The following SH2D4A variants were observed in gnomAD, a reference collection of about 807,000 sequenced individuals.
SH2D4A encodes the protein SH2 domain containing 4A.
A neutral mutation model predicts 64.7 loss-of-function variants in SH2D4A; 70 were observed. The ratio of observed to expected loss-of-function variants is 1.08; its 90% CI spans 0.89 to 1.32. The LOEUF is 1.32. Ranked by LOEUF, SH2D4A falls within the 40% of genes most tolerant of loss-of-function variation. The pLI, the probability that SH2D4A is intolerant of heterozygous loss-of-function variation, is 0.00. For missense variants in SH2D4A, 706 were observed against 540.1 expected, an observed-to-expected ratio of 1.31 and a Z score of -3.04; for synonymous variants, 268 against 200.7, an observed-to-expected ratio of 1.34 and a Z score of -2.83.
chr8:19,349,890 G>A lies in SH2D4A; in HGVS notation c.514-7313G>A, dbSNP rs2052670635. 2.6e-5 allele frequency among the ~76,000 whole-genome samples: 4 copies of A among 152,182 alleles called. No individual in the cohort carries two copies. In the South Asian group the frequency reaches 6.2e-4, roughly 24 times the overall value. On this transcript the variant is annotated intron_variant, in intron 4 of 9. Transcript: ENST00000265807. ...AGCTAACTTTTGTATTTTTAGTAGA[G>A]ACGGGGCTTCACCATGTTGGCCAGG...
At chr8:19,316,515 T>C (rs1008667421) in intron 1 of SH2D4A, among the ~76,000 whole-genome samples, 4 of 152,146 alleles carry the variant, frequency 2.6e-5, no homozygotes, top group African/African-American at 9.7e-5. Flanking sequence ...TGTCCACACC[T>C]GGGTCAGTGT....
At chr8:19,322,278 C>A (rs1345553302) in intron 2 of SH2D4A, among the ~76,000 whole-genome samples, 3 of 151,438 alleles carry the variant, frequency 2.0e-5, no homozygotes, top group African/African-American at 4.9e-5. Context: ...AAGCCCATGA[C>A]CCTTGTGGGT....
Position 19,393,504 on chromosome 8 carries a change from A to G in SH2D4A, c.1235A>G (p.Gln412Arg). 6.2e-7 allele frequency: 1 copy of G among 1,614,228 alleles called. No individual in the cohort carries two copies. The change falls in exon 9 of 10, where the codon CAG becomes CGG. Residue 412 changes from glutamine to arginine, a missense_variant. Transcript: ENST00000265807. ...AYSFLGVDQL[Q>R]HATLADLVEY... ...AGCTTCCTGGGCGTGGACCAGCTAC[A>G]GCATGCCACCTTGGCGGATTTGGTG... is the stretch of plus-strand genomic sequence containing the variant.
chr8:19,364,790 T>C lies in SH2D4A; in HGVS notation c.917+508T>C, dbSNP rs552864120. On this transcript the variant is annotated intron_variant, in intron 7 of 9. Transcript: ENST00000265807. ...ATGGTAATTCTCATTCACGGATACA[T>C]AGCCAAGTTCCTCTTTTAAGAATTT... Among the ~76,000 whole-genome samples, 9 of 152,338 alleles carry C rather than the reference T, an allele frequency of 5.9e-5. No individual in the cohort carries two copies. The South Asian group carries it at 1.7e-3, about 28-fold the overall frequency.
chr8:19,349,617 G>A (rs891110759), intron 4 of SH2D4A, among the ~76,000 whole-genome samples: 1 of 152,164 alleles, frequency 6.6e-6, no homozygotes, highest in Admixed American at 6.5e-5. Context: ...CCTCTCTGAG[G>A]CTAAGTTTCC....
chr8:19,361,837 T>C (rs2052894475), intron 6 of SH2D4A, among the ~76,000 whole-genome samples: 1 of 152,188 alleles, frequency 6.6e-6, no homozygotes, highest in Admixed American at 6.5e-5. Flanking sequence ...TGATAGTGAA[T>C]ACATTTTAAC....
intron 2 of SH2D4A, among the ~76,000 whole-genome samples, chr8:19,322,838 C>G (rs868688596): frequency 1.8e-4 from 28 of 151,912 alleles, no homozygotes; most frequent in African/African-American, 6.8e-4. Flanking sequence ...CCATGCCCAG[C>G]TAATTTTTGT....
intron 5 of SH2D4A, among the ~76,000 whole-genome samples, chr8:19,360,616 A>G (rs988747826): frequency 6.6e-6 from 1 of 152,188 alleles, no homozygotes; most frequent in Non-Finnish European, 1.5e-5. Context: ...TCCATCTTAA[A>G]AAAATAATAA....
chr8:19,373,823 G>T (rs1009220867), intron 8 of SH2D4A, among the ~76,000 whole-genome samples, 163 bp downstream of exon 8: 10 of 152,162 alleles, frequency 6.6e-5, no homozygotes, highest in African/African-American at 2.4e-4. Flanking sequence ...TCAGTAAGCT[G>T]CATTCTCATG....
At chr8:19,382,019 G>A (rs1182514613) in intron 8 of SH2D4A, among the ~76,000 whole-genome samples, 1 of 151,754 alleles carries the variant, frequency 6.6e-6, no homozygotes, top group Non-Finnish European at 1.5e-5. Context: ...ATATGCTGCT[G>A]GATTAATTTT....
At chr8:19,373,183 C>G (rs10103947) in intron 7 of SH2D4A, among the ~76,000 whole-genome samples, 5,545 of 151,948 alleles carry the variant, frequency 0.036, 281 homozygotes, top group African/African-American at 0.12. Flanking sequence ...GCACAAGTGA[C>G]AGATTTATAT....
At chr8:19,353,495 A>G (rs942343714) in intron 4 of SH2D4A, among the ~76,000 whole-genome samples, 4 of 150,782 alleles carry the variant, frequency 2.7e-5, no homozygotes, top group African/African-American at 9.8e-5. Flanking sequence ...CAGCCTCCTG[A>G]GTAGCTGGGA....
At chr8:19,363,599 G>A (rs1585184160) in intron 6 of SH2D4A, among the ~76,000 whole-genome samples, 2 of 152,042 alleles carry the variant, frequency 1.3e-5, no homozygotes, top group Admixed American at 6.5e-5. Flanking sequence ...CCTGCTCTCT[G>A]CTCCTTCACC....
At chr8:19,381,465 T>C (rs540072376) in intron 8 of SH2D4A, among the ~76,000 whole-genome samples, 3 of 152,344 alleles carry the variant, frequency 2.0e-5, no homozygotes, top group South Asian at 2.1e-4. Context: ...TCTCAGAGTG[T>C]TGTTAGTGTA....
At chr8:19,341,844 CAAA>C (rs35856719) in intron 4 of SH2D4A, among the ~76,000 whole-genome samples, 2 of 83,340 alleles carry the variant, frequency 2.4e-5, no homozygotes. Flanking sequence ...CTTGTCTTAA[CAAA>C]AAAAAAAAAA....
At chr8:19,327,760 C>T (rs1301616444) in intron 2 of SH2D4A, among the ~76,000 whole-genome samples, 1 of 152,188 alleles carries the variant, frequency 6.6e-6, no homozygotes, top group Non-Finnish European at 1.5e-5. Flanking sequence ...TCAGTAAATA[C>T]TTGCTGAACC....
intron 7 of SH2D4A, among the ~76,000 whole-genome samples, chr8:19,365,176 T>C (rs2052971535): frequency 6.6e-6 from 1 of 152,216 alleles, no homozygotes; most frequent in East Asian, 1.9e-4. Context: ...GTAGTTATCT[T>C]CAAGGTTGTC....
At chr8:19,349,983 C>T (rs1045899477) in intron 4 of SH2D4A, among the ~76,000 whole-genome samples, 1 of 152,204 alleles carries the variant, frequency 6.6e-6, no homozygotes, top group Admixed American at 6.5e-5. Flanking sequence ...GCATTATAGG[C>T]GTGAGCCACT....
chr8:19,333,374 T>C (rs2052394318), intron 3 of SH2D4A, among the ~76,000 whole-genome samples: 1 of 152,210 alleles, frequency 6.6e-6, no homozygotes, highest in East Asian at 1.9e-4. Context: ...TTTAGTGCTG[T>C]CAAATCAGCT....
Sources: allele counts gnomAD v4.1 joint callset (sites outside exome capture counted in the v4.1 genomes callset), GRCh38; gene constraint gnomAD v4.1.1; transcripts MANE v1.5; gene names NCBI Gene and HGNC (gene_info 2026-07-23, HGNC 2026-07-21).